Variants in BLTP1 observed in about 807,000 individuals in gnomAD.
BLTP1 encodes fragile site-associated protein.
chr4:122,185,172 A>C, the BLTP1 span: 1 of 983,114 alleles, frequency 1.0e-6, no homozygotes, highest in African/African-American at 1.7e-5. Flanking sequence ...GTGAAAAGAA[A>C]GGATTTTTCA....
the BLTP1 span, chr4:122,246,123 T>C: frequency 3.3e-6 from 5 of 1,533,492 alleles, no homozygotes; most frequent in Non-Finnish European, 4.4e-6. Context: ...GAAAAGCTTG[T>C]GAAATAATTT....
At chr4:122,340,768 G>C in the BLTP1 span, 1 of 982,882 alleles carries the variant, frequency 1.0e-6, no homozygotes, top group Non-Finnish European at 1.2e-6. Context: ...ATATTGTAGT[G>C]GTAGTGTTGG....
chr4:122,205,501 CT>C, the BLTP1 span, among the ~76,000 whole-genome samples: 3 of 76,298 alleles, frequency 3.9e-5, no homozygotes, highest in Non-Finnish European at 9.1e-5. Flanking sequence ...CCAATTGTTT[CT>C]CTCTCTCTCT....
chr4:122,234,067 A>G, the BLTP1 span: 2 of 153,610 alleles, frequency 1.3e-5, no homozygotes, highest in Admixed American at 1.3e-4. Flanking sequence ...TAAAGTAAAA[A>G]AAAAGGAATA....
the BLTP1 span, among the ~76,000 whole-genome samples, chr4:122,163,910 CT>C: frequency 6.6e-6 from 1 of 152,136 alleles, no homozygotes; most frequent in South Asian, 2.1e-4. Context: ...CTCCTTTCCC[CT>C]AATCTCTTTT....
the BLTP1 span, among the ~76,000 whole-genome samples, chr4:122,322,356 G>C: frequency 1.3e-5 from 2 of 151,782 alleles, no homozygotes; most frequent in Non-Finnish European, 2.9e-5. Context: ...CAGTGTTTTT[G>C]ATTGCTAGCA....
the BLTP1 span, chr4:122,349,705 T>A: frequency 6.5e-7 from 1 of 1,543,920 alleles, no homozygotes. The surrounding 1 kb of genome is among the most constrained non-coding windows in gnomAD (Gnocchi z 4.5). Context: ...TTGTCTATCA[T>A]CTGGTGAGAA....
chr4:122,232,939 C>T, the BLTP1 span, among the ~76,000 whole-genome samples: 4 of 152,144 alleles, frequency 2.6e-5, no homozygotes, highest in Admixed American at 2.6e-4. Context: ...ATATTGGATT[C>T]CCAGGAGTTT....
At chr4:122,256,141 C>G in the BLTP1 span, 1 of 984,744 alleles carries the variant, frequency 1.0e-6, no homozygotes, top group South Asian at 4.7e-5. Flanking sequence ...AGGGGACACA[C>G]AAGAATCTTT....
the BLTP1 span, chr4:122,204,370 A>AT: frequency 0.31 from 285,992 of 919,878 alleles, 47,816 homozygotes; most frequent in East Asian, 0.43. Flanking sequence ...ATAGGATAGT[A>AT]TTTTGCCATT....
chr4:122,235,809 A>G, the BLTP1 span, among the ~76,000 whole-genome samples: 1 of 151,738 alleles, frequency 6.6e-6, no homozygotes, highest in Non-Finnish European at 1.5e-5. Flanking sequence ...CGTCTCAAAA[A>G]AGAAAAAAAA....
chr4:122,294,537 C>G, the BLTP1 span, among the ~76,000 whole-genome samples: 25 of 152,154 alleles, frequency 1.6e-4, no homozygotes, highest in Admixed American at 5.2e-4. Flanking sequence ...AAGAGTGGCC[C>G]CACTGTAAAA....
chr4:122,276,750 G>C, the BLTP1 span: 8 of 960,636 alleles, frequency 8.3e-6, no homozygotes, highest in South Asian at 3.4e-4. Flanking sequence ...ACCCTCTGGT[G>C]ATCATCTCTG....
At chr4:122,235,544 A>C in the BLTP1 span, 4 of 895,762 alleles carry the variant, frequency 4.5e-6, no homozygotes, top group Non-Finnish European at 5.3e-6. Flanking sequence ...GGTGGCTCAC[A>C]CCTGTAATCC....
the BLTP1 span, chr4:122,318,373 T>C: frequency 4.5e-5 from 39 of 870,110 alleles, no homozygotes; most frequent in African/African-American, 6.2e-4. Context: ...TTACATGTAA[T>C]CACCCATTAA....
At chr4:122,196,269 G>A in the BLTP1 span, among the ~76,000 whole-genome samples, 102 of 152,290 alleles carry the variant, frequency 6.7e-4, no homozygotes, top group Middle Eastern at 3.4e-3. Flanking sequence ...AGAAGAGGAA[G>A]CAGCTCAAAT....
the BLTP1 span, among the ~76,000 whole-genome samples, chr4:122,262,429 G>A: frequency 8.6e-5 from 13 of 151,842 alleles, no homozygotes; most frequent in Non-Finnish European, 1.5e-4. Flanking sequence ...TTTGATATAC[G>A]GTGCTATGTG....
At chr4:122,318,140 C>T in the BLTP1 span, 1 of 1,592,588 alleles carries the variant, frequency 6.3e-7, no homozygotes. Context: ...ATTTGTTTTG[C>T]ATCCAGAAAA....
chr4:122,297,401 A>G, the BLTP1 span, among the ~76,000 whole-genome samples: 1 of 152,180 alleles, frequency 6.6e-6, no homozygotes, highest in East Asian at 1.9e-4. Context: ...AAGTCAAGAA[A>G]CAACAGATGC....
Sources: allele counts gnomAD v4.1 joint callset (sites outside exome capture counted in the v4.1 genomes callset), GRCh38; gene constraint gnomAD v4.1.1; non-coding constraint Gnocchi (gnomAD v3.1); transcripts MANE v1.5; gene names NCBI Gene and HGNC (gene_info 2026-07-23, HGNC 2026-07-21).